The following GPM6B variants were observed in gnomAD, a reference collection of about 807,000 sequenced individuals.
GPM6B encodes the protein glycoprotein M6B.
A neutral mutation model predicts 27.2 loss-of-function variants in GPM6B; 4 were observed. That is an observed-to-expected ratio of 0.15 (90% CI 0.07 to 0.34). GPM6B has a LOEUF of 0.34. Ranked by LOEUF, GPM6B falls within the 10% of genes least tolerant of loss-of-function variation. The pLI, the probability that GPM6B is intolerant of heterozygous loss-of-function variation, is 1.00. For synonymous variants in GPM6B, 124 were observed against 103.1 expected, an observed-to-expected ratio of 1.20 and a Z score of -1.23; for missense variants, 183 against 261.9, an observed-to-expected ratio of 0.70 and a Z score of 2.08.
intron 1 of GPM6B, among the ~76,000 whole-genome samples, chrX:13,833,550 T>TAAA (rs755832950): frequency 0.017 from 1,204 of 71,497 alleles, 24 homozygotes; most frequent in Non-Finnish European, 0.023. Context: ...CTCTATCTCT[T>TAAA]AAAAAAAAAA....
intron 1 of GPM6B, among the ~76,000 whole-genome samples, chrX:13,914,427 G>A (rs768470743): frequency 2.7e-5 from 3 of 112,580 alleles, no homozygotes; most frequent in East Asian, 2.8e-4. Context: ...CAGATGCAAC[G>A]TCCACAGAAT....
At chrX:13,891,824 T>TTAC (rs1164687771) in intron 1 of GPM6B, among the ~76,000 whole-genome samples, 1 of 111,555 alleles carries the variant, frequency 9.0e-6, no homozygotes, top group Admixed American at 9.5e-5. Flanking sequence ...AAGCAAGGGG[T>TTAC]TACAGAGAGC....
chrX:13,803,429 G>C (rs776758524), intron 2 of GPM6B, among the ~76,000 whole-genome samples: 1 of 111,544 alleles, frequency 9.0e-6, no homozygotes, highest in Non-Finnish European at 1.9e-5. Flanking sequence ...CTCTGTGACA[G>C]TCCCTATGTA....
intron 1 of GPM6B, among the ~76,000 whole-genome samples, chrX:13,863,784 C>T (rs2049878839): frequency 8.9e-6 from 1 of 112,053 alleles, no homozygotes; most frequent in African/African-American, 3.2e-5. Flanking sequence ...AGGATGTGTG[C>T]ATTTTGAAAG....
intron 1 of GPM6B, among the ~76,000 whole-genome samples, chrX:13,872,044 G>A (rs761222518): frequency 9.0e-6 from 1 of 111,409 alleles, no homozygotes; most frequent in Non-Finnish European, 1.9e-5. Context: ...AATTGAGGTG[G>A]TGCAGCCTTT....
chrX:13,798,201 T>C (rs886979656), intron 2 of GPM6B, among the ~76,000 whole-genome samples: 2 of 110,723 alleles, frequency 1.8e-5, no homozygotes, highest in Admixed American at 9.6e-5. Context: ...TTAAAAAGGT[T>C]GTGAACCCCT....
intron 1 of GPM6B, among the ~76,000 whole-genome samples, chrX:13,835,174 T>C (rs759234311): frequency 4.5e-5 from 5 of 111,774 alleles, no homozygotes; most frequent in African/African-American, 1.6e-4. Context: ...TTCACCAGTA[T>C]AGACCCAGCA....
At chrX:13,831,387 C>A (rs148850290) in intron 1 of GPM6B, among the ~76,000 whole-genome samples, 1 of 111,210 alleles carries the variant, frequency 9.0e-6, no homozygotes, top group African/African-American at 3.3e-5. Flanking sequence ...TGTCACTTGC[C>A]AGTCACGAGG....
intron 1 of GPM6B, among the ~76,000 whole-genome samples, chrX:13,901,649 G>T (rs2050283688): frequency 9.0e-6 from 1 of 111,119 alleles, no homozygotes; most frequent in African/African-American, 3.3e-5. Flanking sequence ...TCCTTGTACT[G>T]GGGACTCTGG....
At chrX:13,800,330 C>G (rs938478900) in intron 2 of GPM6B, among the ~76,000 whole-genome samples, 2 of 112,080 alleles carry the variant, frequency 1.8e-5, no homozygotes, top group Non-Finnish European at 3.8e-5. Flanking sequence ...ACTGAAATCT[C>G]ATTAGAGTTT....
intron 1 of GPM6B, among the ~76,000 whole-genome samples, chrX:13,861,115 T>C (rs1359348167): frequency 1.9e-4 from 19 of 102,424 alleles, no homozygotes; most frequent in Non-Finnish European, 3.5e-4. Context: ...TACACACATA[T>C]ATATACACAT....
At chrX:13,816,630 G>A (rs1166215549) in intron 1 of GPM6B, among the ~76,000 whole-genome samples, 1 of 111,125 alleles carries the variant, frequency 9.0e-6, no homozygotes, top group Non-Finnish European at 1.9e-5. Context: ...GAAATATCAC[G>A]TCGGTAGAAA....
At chrX:13,866,801 C>T (rs2147259568) in intron 1 of GPM6B, among the ~76,000 whole-genome samples, 1 of 111,688 alleles carries the variant, frequency 9.0e-6, no homozygotes, top group South Asian at 3.8e-4. Context: ...ACAAATTATA[C>T]CCAGATACTT....
chrX:13,824,943 T>A (rs1325094694), intron 1 of GPM6B, among the ~76,000 whole-genome samples: 1 of 111,850 alleles, frequency 8.9e-6, no homozygotes, highest in Non-Finnish European at 1.9e-5. Context: ...TAGGGGAAGA[T>A]CCTTTTTTCA....
At chrX:13,850,942 T>TC (rs1242254365) in intron 1 of GPM6B, among the ~76,000 whole-genome samples, 5 of 110,394 alleles carry the variant, frequency 4.5e-5, no homozygotes, top group Non-Finnish European at 9.5e-5. Flanking sequence ...GGTGGGCAAA[T>TC]CACTTGAGGT....
chrX:13,793,604 A>C (rs1208908836), intron 2 of GPM6B, among the ~76,000 whole-genome samples: 2 of 112,279 alleles, frequency 1.8e-5, no homozygotes, highest in African/African-American at 3.2e-5. Flanking sequence ...TAAAATCTTA[A>C]AAAGAAATGC....
At chrX:13,788,221 T>G (rs933854188) in intron 2 of GPM6B, among the ~76,000 whole-genome samples, 2 of 112,058 alleles carry the variant, frequency 1.8e-5, no homozygotes, top group African/African-American at 6.5e-5. Flanking sequence ...TTTCATTAAT[T>G]CAGTATTTTG....
chrX:13,861,701 C>T (rs1448325768), intron 1 of GPM6B, among the ~76,000 whole-genome samples: 5 of 111,877 alleles, frequency 4.5e-5, no homozygotes, highest in African/African-American at 1.3e-4. Flanking sequence ...GGCTCTTAGT[C>T]TTCTAATTAA....
intron 1 of GPM6B, among the ~76,000 whole-genome samples, chrX:13,834,723 T>C (rs2049477178): frequency 1.8e-5 from 2 of 111,643 alleles, no homozygotes; most frequent in African/African-American, 6.5e-5. Context: ...GGGGAGAACC[T>C]TGGATTATAA....
Sources: gnomAD v4.1 joint callset for allele counts (sites outside exome capture counted in the v4.1 genomes callset) on GRCh38, gnomAD v4.1.1 for gene constraint, MANE v1.5 for transcripts, NCBI Gene and HGNC (gene_info 2026-07-23, HGNC 2026-07-21) for gene names.